The following NCAPD3 variants were observed in gnomAD, a reference collection of about 807,000 sequenced individuals.
NCAPD3 encodes condensin-2 complex subunit D3.
A neutral mutation model predicts 182.9 loss-of-function variants in NCAPD3; 105 were observed. The ratio of observed to expected loss-of-function variants is 0.57; its 90% CI spans 0.49 to 0.68. NCAPD3 has a LOEUF of 0.68. NCAPD3 is among the 30% of genes least tolerant of loss of function. The pLI is 0.00. For synonymous variants in NCAPD3, 815 were observed against 679.9 expected, an observed-to-expected ratio of 1.20 and a Z score of -3.09; for missense variants, 1,944 against 1,837.0, an observed-to-expected ratio of 1.06 and a Z score of -1.07.
chr11:134,157,655 T>TAAACA (rs1300209144), intron 31 of NCAPD3, among the ~76,000 whole-genome samples: 4 of 152,136 alleles, frequency 2.6e-5, no homozygotes. Flanking sequence ...CACAATTCCA[T>TAAACA]AAACAAAACA....
chr11:134,182,990 G>A lies in NCAPD3; in HGVS notation c.2451+1647C>T, dbSNP rs542652380. ...GCTAATGCAGTAGTAAGCCCCACCC[G>A]CTTCCAGCTCTCAGTGTCTAACCTG... On this transcript the variant is annotated intron_variant, in intron 19 of 34. Coordinates refer to ENST00000534548, the MANE Select transcript of NCAPD3 (RefSeq NM_015261.3). 174 of 407,938 alleles carry A rather than the reference G, an allele frequency of 4.3e-4. 2 individuals carry two copies. Among genetic ancestry groups the A allele is most frequent in the South Asian group, 2.9e-3 (162 of 56,512 alleles). 25.3% of individuals were successfully genotyped at this position (407,938 alleles called of 1,614,324 possible).
intron 13 of NCAPD3, among the ~76,000 whole-genome samples, chr11:134,201,813 C>T (rs1944755234): frequency 6.6e-6 from 1 of 152,200 alleles, no homozygotes; most frequent in Non-Finnish European, 1.5e-5. Context: ...ATTTTCCTAC[C>T]ACATTTAGAA....
intron 27 of NCAPD3, among the ~76,000 whole-genome samples, chr11:134,162,306 C>A (rs1358631614): frequency 6.6e-6 from 1 of 152,190 alleles, no homozygotes; most frequent in Non-Finnish European, 1.5e-5. Context: ...ACTTCGTATT[C>A]CTGCTGGTGA....
chr11:134,224,046 C>T, upstream of NCAPD3: 6 of 1,221,360 alleles, frequency 4.9e-6, no homozygotes, highest in Non-Finnish European at 6.9e-6. Flanking sequence ...GGCCAACCAC[C>T]GCGCCGAGCC....
rs1213064077 is a variant in NCAPD3, at chr11:134,204,068, T to C, written c.1193A>G (p.Tyr398Cys). ...TACCTTGGAACTTCGGGAGTATTTG[T>C]AAAGCCAGGCAATGAACATAGCGTA... ...GEYAMFIAWL[Y>C]KYSRSSKIPH... Residue 398 changes from tyrosine (Y) to cysteine (C), a missense_variant, in exon 10 of 35, where the codon TAC becomes TGC. Physicochemically the swap from Tyr to Cys is radical, Grantham distance 194. This residue lies in a region of NCAPD3 where 1,803 missense variants were observed against 1,674.6 expected (regional missense o/e 1.08). Transcript: ENST00000534548. The surrounding 1 kb of genome is among the most constrained non-coding windows in gnomAD (Gnocchi z 4.3). 1 of 1,614,156 alleles carries C rather than the reference T, an allele frequency of 6.2e-7. No individual in the cohort carries two copies.
chr11:134,162,109 G>A (rs938901451), intron 27 of NCAPD3, among the ~76,000 whole-genome samples: 5 of 152,168 alleles, frequency 3.3e-5, no homozygotes, highest in Admixed American at 6.5e-5. Flanking sequence ...ATAGGGTGGG[G>A]ACAAATACTA....
rs1241729927 is a variant in NCAPD3, at chr11:134,179,676, T to A, written c.2560-740A>T. Among the ~76,000 whole-genome samples the A allele has an allele frequency of 3.3e-5, 5 of 152,208 alleles. No individual in the cohort carries two copies. In the East Asian group the frequency reaches 9.6e-4, roughly 29 times the overall value. ...ACACATTTTCAAGTTGCCCTCCAGA[T>A]TATTTTTCTATGTAGACCCCATCAA... On this transcript the variant is annotated intron_variant, in intron 20 of 34. Transcript: ENST00000534548.
chr11:134,180,477 A>G (rs1346553951), intron 20 of NCAPD3, among the ~76,000 whole-genome samples: 1 of 152,178 alleles, frequency 6.6e-6, no homozygotes, highest in East Asian at 1.9e-4. Context: ...TCTTATCCCC[A>G]GTCAGCCACT....
In NCAPD3 at chr11:134,161,803, C is replaced by T. The variant is rs751116530; in HGVS notation, c.3662G>A (p.Arg1221Gln). The T allele has an allele frequency of 7.0e-6, 11 of 1,582,538 alleles. No homozygotes were observed. The highest frequency in any genetic ancestry group is 2.2e-5 in the South Asian group (2 of 89,058). ...TACCCTGAGATAGTGCATGAGTTCC[C>T]GCAAAGCTGGGATCTTATTTTTCTC... ...VLEKNKIPALRELMHYLREVM... is the reference protein window; with the variant it reads ...VLEKNKIPALQELMHYLREVM... Residue 1221 changes from arginine to glutamine, a missense_variant, in exon 28 of 35, where the codon CGG (arginine) becomes CAG (glutamine). Arg to Gln is a conservative substitution (Grantham distance 43, BLOSUM62 1). Transcript: ENST00000534548.
Position 134,223,825 on chromosome 11 carries a change from C to T in NCAPD3, c.64+38G>A. 3 of 1,601,002 alleles carry T rather than the reference C, an allele frequency of 1.9e-6. No individual in the cohort carries two copies. The African/African-American group carries it at 4.0e-5, about 21-fold the overall frequency. On this transcript the variant is annotated intron_variant, in intron 1 of 34. Transcript: ENST00000534548. Reference sequence around the variant, plus strand: ...CATCGTCGGGGACGCATAGGACCCTCGCCCTGGCCCCCGGGCCTCCCGGCT... The same window carrying T: ...CATCGTCGGGGACGCATAGGACCCTTGCCCTGGCCCCCGGGCCTCCCGGCT...
chr11:134,154,556 GGGTGGTGCAGCCTCGCCCCTCC>G (rs1281691870), intron 32 of NCAPD3, among the ~76,000 whole-genome samples: 6 of 39,110 alleles, frequency 1.5e-4, no homozygotes, highest in African/African-American at 6.4e-4. Context: ...CACCCCTCCT[GGGTGGTGCAGCCTCGCCCCTCC>G]TGGGTGGTGC....
chr11:134,165,635 G>A (rs1943757699), intron 27 of NCAPD3, among the ~76,000 whole-genome samples: 1 of 146,138 alleles, frequency 6.8e-6, no homozygotes, highest in East Asian at 2.1e-4. Flanking sequence ...GATGAGCTTA[G>A]GGGAGGCCCA....
At chr11:134,162,428 C>T (rs772540838) in intron 27 of NCAPD3, among the ~76,000 whole-genome samples, 14 of 152,074 alleles carry the variant, frequency 9.2e-5, no homozygotes, top group Non-Finnish European at 1.6e-4. Context: ...CTGATTTGAC[C>T]AAGTCTTCAC....
chr11:134,185,816 C>T (rs1944392238), intron 16 of NCAPD3: 1 of 212,996 alleles, frequency 4.7e-6, no homozygotes, highest in Middle Eastern at 1.7e-3. Context: ...ATCCTCCTCC[C>T]CTCCAAAATT....
At chr11:134,194,385 TA>T (rs1944584520) in intron 14 of NCAPD3, among the ~76,000 whole-genome samples, 1 of 152,162 alleles carries the variant, frequency 6.6e-6, no homozygotes, top group South Asian at 2.1e-4. Context: ...ATGAACCTAT[TA>T]AAATCCACCC....
chr11:134,185,006 G>A lies in NCAPD3; in HGVS notation c.2238-6C>T. On this transcript the variant is annotated splice_polypyrimidine_tract_variant and splice_region_variant and intron_variant, in intron 17 of 34. Coordinates refer to ENST00000534548, the MANE Select transcript of NCAPD3 (RefSeq NM_015261.3). The stretch of plus-strand genomic sequence containing the variant: ...TTGAATTGGGATTCTGCTGACTAGA[G>A]AAAGGGCAGGAGGAATATGAAGGGA... 6.3e-7 allele frequency: 1 copy of A among 1,593,402 alleles called. No homozygotes were observed.
chr11:134,165,106 T>A (rs909428329), intron 27 of NCAPD3, among the ~76,000 whole-genome samples: 11 of 148,966 alleles, frequency 7.4e-5, no homozygotes, highest in East Asian at 2.0e-4. Context: ...TTGCGGGAGC[T>A]GCACACTCAC....
At chr11:134,223,117 G>A (rs914614709) in intron 1 of NCAPD3, 6 of 378,662 alleles carry the variant, frequency 1.6e-5, no homozygotes, top group Middle Eastern at 7.4e-4. Context: ...CCAAGGATGT[G>A]GTCATTTATT....
chr11:134,163,863 TTC>T (rs1442176441), intron 27 of NCAPD3, among the ~76,000 whole-genome samples: 59 of 122,408 alleles, frequency 4.8e-4, no homozygotes, highest in African/African-American at 1.7e-3. Context: ...CGCAGTGAGA[TTC>T]TGTCTCAAAA....
Sources: gnomAD v4.1 joint callset for allele counts (sites outside exome capture counted in the v4.1 genomes callset) on GRCh38, gnomAD v4.1.1 for gene constraint, gnomAD v4.1.1 regional missense constraint, Gnocchi (gnomAD v3.1) non-coding constraint, MANE v1.5 for transcripts, NCBI Gene and HGNC (gene_info 2026-07-23, HGNC 2026-07-21) for gene names.